CCDC18: variants seen among roughly 807,000 people sequenced by gnomAD.
CCDC18 encodes the protein coiled-coil domain-containing protein 18.
A neutral mutation model predicts 196.0 loss-of-function variants in CCDC18; 157 were observed. That is an observed-to-expected ratio of 0.80 (90% CI 0.70 to 0.91). CCDC18 has a LOEUF of 0.91. CCDC18 is among the 40% of genes least tolerant of loss of function. The pLI, the probability that CCDC18 is intolerant of heterozygous loss-of-function variation, is 0.00. For missense variants in CCDC18, 1,465 were observed against 1,611.6 expected, an observed-to-expected ratio of 0.91 and a Z score of 1.56; for synonymous variants, 482 against 529.2, an observed-to-expected ratio of 0.91 and a Z score of 1.22.
chr1:93,232,954 G>T (rs750338257), intron 18 of CCDC18, among the ~76,000 whole-genome samples: 1 of 152,010 alleles, frequency 6.6e-6, no homozygotes, highest in Non-Finnish European at 1.5e-5. Context: ...CTGGGCGACA[G>T]AGTGAGACTC....
In CCDC18 at chr1:93,192,054, G is replaced by T. The variant is rs1458415721; in HGVS notation, c.517G>T (p.Glu173Ter). ...QQAASVPILEEQIINLEAEVS... is the reference protein window; with the variant it reads ...QQAASVPILE ...GGCAGCCAGTGTCCCAATCTTAGAA[G>T]AACAGATTATAAATTTGGAAGCAGA... The change falls in exon 5 of 29, where the codon GAA becomes TAA. Residue 173 changes from glutamate to a stop codon, truncating the protein, a stop_gained. Coordinates refer to ENST00000690025, the MANE Select transcript of CCDC18 (RefSeq NM_001378204.1). LOFTEE classifies it high-confidence loss of function. 1.2e-6 allele frequency: 2 copies of T among 1,613,908 alleles called. No homozygotes were observed. The highest frequency in any genetic ancestry group is 1.7e-6 in the Non-Finnish European group (2 of 1,179,844).
chr1:93,232,949 C>T (rs897523713), intron 18 of CCDC18, among the ~76,000 whole-genome samples: 6 of 151,816 alleles, frequency 4.0e-5, no homozygotes, highest in Middle Eastern at 3.4e-3. Flanking sequence ...CCAGCCTGGG[C>T]GACAGAGTGA....
intron 9 of CCDC18, among the ~76,000 whole-genome samples, chr1:93,210,455 C>T (rs1325204161): frequency 6.6e-6 from 1 of 152,016 alleles, no homozygotes; most frequent in Non-Finnish European, 1.5e-5. Flanking sequence ...CATGTGTATC[C>T]TTCTCGTCCA....
upstream of CCDC18, chr1:93,180,565 A>G: frequency 6.9e-7 from 1 of 1,441,462 alleles, no homozygotes; most frequent in African/African-American, 1.5e-5. Flanking sequence ...CATGGCGGTA[A>G]TTGTGGGAAA....
intron 18 of CCDC18, 58 bp from the exon 19 acceptor site, chr1:93,236,190 A>G (rs1660049926): frequency 2.9e-6 from 4 of 1,386,038 alleles, no homozygotes; most frequent in South Asian, 1.3e-5. Context: ...TAGGTTACAT[A>G]TTTATAAAAG....
At chr1:93,180,010 C>T (rs1331158732), upstream of CCDC18, 2 of 1,580,500 alleles carry the variant, frequency 1.3e-6, no homozygotes, top group Non-Finnish European at 1.7e-6. Flanking sequence ...CAACGCAGTG[C>T]AGCTGGGTTA....
intron 6 of CCDC18, chr1:93,199,926 A>G (rs1478441162): frequency 2.6e-5 from 4 of 152,458 alleles, no homozygotes; most frequent in Non-Finnish European, 5.9e-5. Flanking sequence ...GTTGTTGAGC[A>G]TGAGGTAGCT....
rs749572301 is a variant in CCDC18 at position 93,201,854 on chromosome 1, TTCTTCACTTTTATTCATTATCTC to T, written c.699-36_699-14del. 7.7e-7 allele frequency: 1 copy of T among 1,295,880 alleles called. No homozygotes were observed. The highest frequency in any genetic ancestry group is 1.1e-6 in the Non-Finnish European group (1 of 927,930). 80.3% of individuals were successfully genotyped at this position (1,295,880 alleles called of 1,614,324 possible). ...AACTTAACTCTTCAAATGCAGAGCA[TTCTTCACTTTTATTCATTATCTC>T]TTTTTAAATTTTAGAGCTGAACGAC... On this transcript the variant is annotated splice_polypyrimidine_tract_variant and intron_variant, in intron 6 of 28. Transcript: ENST00000690025.
At position 93,207,324 on chromosome 1, in the gene CCDC18, G is replaced by C. The variant is rs1245909196; in HGVS notation, c.1135G>C (p.Asp379His). 3 of 1,612,990 alleles carry C rather than the reference G, an allele frequency of 1.9e-6. No homozygotes were observed. The highest frequency in any genetic ancestry group is 2.5e-6 in the Non-Finnish European group (3 of 1,179,470). ...VRVAAQNERLDLCQQEIESSR... is the reference protein window; with the variant it reads ...VRVAAQNERLHLCQQEIESSR... ...TGTTGCAGCACAGAATGAGCGACTA[G>C]ATTTATGTCAACAAGAAATTGAAAG... The change falls in exon 9 of 29, where the codon GAT (aspartate) becomes CAT (histidine). Residue 379 changes from aspartate to histidine, a missense_variant. Asp to His is a moderately conservative substitution (Grantham distance 81). Transcript: ENST00000690025.
intron 9 of CCDC18, among the ~76,000 whole-genome samples, chr1:93,208,314 T>C (rs1425459794): frequency 6.7e-6 from 1 of 149,482 alleles, no homozygotes; most frequent in Non-Finnish European, 1.5e-5. Context: ...GGTATCACAT[T>C]GTGGTTTTTC....
intron 4 of CCDC18, chr1:93,191,156 A>T (rs1004550909): frequency 1.9e-5 from 9 of 466,786 alleles, no homozygotes; most frequent in Non-Finnish European, 3.5e-5. Flanking sequence ...CACCTGTGGG[A>T]TAACCCAAAA....
At chr1:93,257,071 C>CA (rs1663053926) in intron 25 of CCDC18, among the ~76,000 whole-genome samples, 1 of 151,226 alleles carries the variant, frequency 6.6e-6, no homozygotes, top group East Asian at 1.9e-4. Context: ...ACTAAAAATA[C>CA]AAAAAACAAA....
At chr1:93,261,654 C>T (rs1417385267) in intron 26 of CCDC18, among the ~76,000 whole-genome samples, 1 of 152,120 alleles carries the variant, frequency 6.6e-6, no homozygotes. Flanking sequence ...CCACATCAAT[C>T]ACCCACAAAA....
intron 25 of CCDC18, among the ~76,000 whole-genome samples, chr1:93,258,106 T>G (rs1311533164): frequency 2.0e-5 from 3 of 149,044 alleles, no homozygotes; most frequent in Non-Finnish European, 1.5e-5. Context: ...TTAATAAAAA[T>G]TAATTAATAA....
intron 13 of CCDC18, 68 bp from the exon 14 acceptor site, chr1:93,217,670 T>A: frequency 7.3e-7 from 1 of 1,366,544 alleles, no homozygotes. Context: ...AACTCCTGGA[T>A]TCAAGCGATC....
chr1:93,219,182 A>G (rs184647784), intron 14 of CCDC18, among the ~76,000 whole-genome samples: 49 of 152,268 alleles, frequency 3.2e-4, no homozygotes, highest in Admixed American at 2.7e-3. Context: ...TGCCTTTTCT[A>G]TTTTAACTAA....
chr1:93,250,056 T>G (rs1455952413), intron 23 of CCDC18, among the ~76,000 whole-genome samples: 1 of 152,128 alleles, frequency 6.6e-6, no homozygotes, highest in East Asian at 1.9e-4. Flanking sequence ...TGATTTCTAT[T>G]TTTATTCCAT....
intron 4 of CCDC18, among the ~76,000 whole-genome samples, chr1:93,191,412 T>C (rs1163301411): frequency 2.6e-5 from 4 of 152,172 alleles, no homozygotes; most frequent in Admixed American, 6.5e-5. Context: ...GGTTTTTCAT[T>C]GGGTCCTCAC....
intron 18 of CCDC18, among the ~76,000 whole-genome samples, chr1:93,234,933 A>AAG (rs1200324133): frequency 9.0e-5 from 5 of 55,856 alleles, no homozygotes; most frequent in East Asian, 1.3e-3. Context: ...ATGCCCAGCT[A>AAG]AGAGTGTGTG....
Sources: gnomAD v4.1 joint callset for allele counts (sites outside exome capture counted in the v4.1 genomes callset) on GRCh38, gnomAD v4.1.1 for gene constraint, MANE v1.5 for transcripts, NCBI Gene and HGNC (gene_info 2026-07-23, HGNC 2026-07-21) for gene names.